Variants in TLR7 observed in about 807,000 individuals in gnomAD.
TLR7 encodes toll like receptor 7.
Under a neutral mutation model 38.3 loss-of-function variants are expected in TLR7, and 12 were observed. That is an observed-to-expected ratio of 0.31 (90% CI 0.20 to 0.51). The LOEUF is 0.51. Ranked by LOEUF, TLR7 falls within the 20% of genes least tolerant of loss-of-function variation. The pLI, the probability that TLR7 is intolerant of heterozygous loss-of-function variation, is 0.98. For missense variants in TLR7, 504 were observed against 743.4 expected, an observed-to-expected ratio of 0.68 and a Z score of 3.74; for synonymous variants, 285 against 293.8, an observed-to-expected ratio of 0.97 and a Z score of 0.31.
intron 2 of TLR7, among the ~76,000 whole-genome samples, chrX:12,869,631 C>A (rs954438140): frequency 9.1e-6 from 1 of 110,257 alleles, no homozygotes; most frequent in Non-Finnish European, 1.9e-5. Context: ...AAAGCTAATG[C>A]ATGCTGGGCT....
chrX:12,883,270 T>C (rs1041896668), intron 2 of TLR7, among the ~76,000 whole-genome samples: 1 of 112,425 alleles, frequency 8.9e-6, no homozygotes, highest in Non-Finnish European at 1.9e-5. Context: ...CATATTGCCA[T>C]ATATTCTGAG....
chrX:12,875,103 T>C (rs1360467455), intron 2 of TLR7, among the ~76,000 whole-genome samples: 1 of 111,693 alleles, frequency 9.0e-6, no homozygotes, highest in Non-Finnish European at 1.9e-5. Context: ...TCCAGGTGGA[T>C]AGGTTTTGCC....
chrX:12,885,616 T>C lies in TLR7; in HGVS notation c.108T>C (p.Cys36=), dbSNP rs200308543. 6.9e-5 allele frequency: 84 copies of C among 1,212,058 alleles called. No individual in the cohort carries two copies. The highest frequency in any genetic ancestry group is 9.4e-5 in the Non-Finnish European group (84 of 895,562). ...GARWFPKTLP[C]DVTLDVPKNH... ...GATGGTTTCCTAAAACTCTGCCCTGTGATGTCACTCTGGATGTTCCAAAGA... is the reference window on the plus strand; with the variant it reads ...GATGGTTTCCTAAAACTCTGCCCTGCGATGTCACTCTGGATGTTCCAAAGA... Residue 36 remains cysteine (C), a synonymous_variant, in exon 3 of 3, where the codon TGT becomes TGC. Transcript: ENST00000380659.
intron 2 of TLR7, among the ~76,000 whole-genome samples, chrX:12,873,137 G>A (rs1207966921): frequency 1.8e-5 from 2 of 111,699 alleles, no homozygotes; most frequent in Admixed American, 9.5e-5. Context: ...CTTTGCTCCA[G>A]GCTAATCCAT....
At position 12,888,748 on chromosome X, in the gene TLR7, T is replaced by C; in HGVS notation, c.*90T>C. The C allele has an allele frequency of 1.0e-6, 1 of 999,134 alleles. No homozygotes were observed. Among genetic ancestry groups the C allele is most frequent in the Non-Finnish European group, 1.3e-6 (1 of 745,230 alleles). The allele number at this position is 999,134 out of a possible 1,213,427, so 82.3% of individuals were successfully genotyped here. A position where few individuals can be genotyped will look rare whatever the true frequency, so the allele number is the denominator to read the frequency against. On this transcript the variant is annotated 3_prime_UTR_variant, in exon 3 of 3. Coordinates refer to ENST00000380659, the MANE Select transcript of TLR7 (RefSeq NM_016562.4). ...CATATATATCACACCAAAAGCGTGT[T>C]TTGAAATTCTTCAAGAAATGAGATT...
Position 12,886,370 on chromosome X carries a change from G to A in TLR7, c.862G>A (p.Ala288Thr). ...ACAGATCCCTGTAAATGCTTTTGATGCGCTGACAGAATTAAAAGTTTTACG... is the reference window on the plus strand; with the variant it reads ...ACAGATCCCTGTAAATGCTTTTGATACGCTGACAGAATTAAAAGTTTTACG... The part of the protein sequence containing the change: ...PLQIPVNAFD[A>T]LTELKVLRLH... Residue 288 changes from alanine (A) to threonine (T), a missense_variant, in exon 3 of 3, where the codon GCG (alanine) becomes ACG (threonine). Physicochemically the swap from Ala to Thr is moderately conservative, Grantham distance 58. Coordinates refer to ENST00000380659, the MANE Select transcript of TLR7 (RefSeq NM_016562.4). The A allele has an allele frequency of 4.1e-6, 5 of 1,211,678 alleles. No individual in the cohort carries two copies. Among genetic ancestry groups the A allele is most frequent in the Non-Finnish European group, 5.6e-6 (5 of 895,507 alleles).
chrX:12,889,823 G>A lies in TLR7; in HGVS notation c.*1165G>A, dbSNP rs2042925115. ...CTGCACACTTGATACAGCAACGTTA[G>A]ATGGTTTTGATGGTAAACCCTAAAG... On this transcript the variant is annotated 3_prime_UTR_variant, in exon 3 of 3. Transcript: ENST00000380659. 8.9e-6 allele frequency: 1 copy of A among 112,636 alleles called. No individual in the cohort carries two copies. Among genetic ancestry groups the A allele is most frequent in the Non-Finnish European group, 1.9e-5 (1 of 53,346 alleles). The allele number at this position is 112,636 out of a possible 1,213,427, so 9.3% of individuals were successfully genotyped here. A position where few individuals can be genotyped will look rare whatever the true frequency, so the allele number is the denominator to read the frequency against.
chrX:12,867,426 T>C, intron 1 of TLR7, 55 bp from the exon 2 acceptor site: 1 of 474,103 alleles, frequency 2.1e-6, no homozygotes, highest in Non-Finnish European at 3.7e-6. Context: ...GTCTTTAAGC[T>C]ACAGTATTGT....
chrX:12,887,295 A>G lies in TLR7; in HGVS notation c.1787A>G (p.Lys596Arg). The G allele has an allele frequency of 8.3e-7, 1 of 1,211,742 alleles. No homozygotes were observed. The change falls in exon 3 of 3, where the codon AAG (lysine) becomes AGG (arginine). Residue 596 changes from lysine (K) to arginine (R), a missense_variant. Coordinates refer to ENST00000380659, the MANE Select transcript of TLR7 (RefSeq NM_016562.4). ...ATGCTAAACTTTACCAAGAACCTAA[A>G]GGTTCTGCAGAAACTGATGATGAAC... ...THMLNFTKNL[K>R]VLQKLMMNDN...
At chrX:12,873,202 T>A (rs1283600496) in intron 2 of TLR7, among the ~76,000 whole-genome samples, 1 of 112,213 alleles carries the variant, frequency 8.9e-6, no homozygotes, top group Non-Finnish European at 1.9e-5. Context: ...TGTCCTTTCC[T>A]TGAGGTCTTT....
Position 12,889,094 on chromosome X carries a change from A to C in TLR7, c.*436A>C, listed in dbSNP as rs927625228. 8.7e-6 allele frequency: 1 copy of C among 114,486 alleles called. No homozygotes were observed. Among genetic ancestry groups the C allele is most frequent in the African/African-American group, 3.2e-5 (1 of 30,861 alleles). The allele number at this position is 114,486 out of a possible 1,213,427, so 9.4% of individuals were successfully genotyped here. ...GACCAAAATGTACTAGAGTTAGTTT[A>C]GTGAAATAAAAAACCAGTCAGCTGG... On this transcript the variant is annotated 3_prime_UTR_variant, in exon 3 of 3. Transcript: ENST00000380659.
intron 2 of TLR7, among the ~76,000 whole-genome samples, chrX:12,875,249 T>C (rs1360444051): frequency 8.9e-6 from 1 of 111,873 alleles, no homozygotes; most frequent in Non-Finnish European, 1.9e-5. Flanking sequence ...GAGAGAGAGT[T>C]CTGTGCTCAA....
At chrX:12,874,962 G>GT (rs11397372) in intron 2 of TLR7, among the ~76,000 whole-genome samples, 20,307 of 101,709 alleles carry the variant, frequency 0.2, 1,534 homozygotes, top group Admixed American at 0.22. Context: ...CTTGGTAAAT[G>GT]TTTTTTTTTT....
At chrX:12,874,992 C>A (rs1403589400) in intron 2 of TLR7, among the ~76,000 whole-genome samples, 5 of 108,278 alleles carry the variant, frequency 4.6e-5, no homozygotes, top group Non-Finnish European at 7.7e-5. Context: ...GTAATTCGAT[C>A]TCTACAACTG....
chrX:12,870,801 G>C (rs781703202), intron 2 of TLR7, among the ~76,000 whole-genome samples: 47 of 110,009 alleles, frequency 4.3e-4, no homozygotes, highest in Non-Finnish European at 7.5e-4. Flanking sequence ...TTGTTGATAA[G>C]TGCTTTTGCA....
At chrX:12,872,974 C>T (rs184167451) in intron 2 of TLR7, among the ~76,000 whole-genome samples, 13 of 111,039 alleles carry the variant, frequency 1.2e-4, no homozygotes, top group African/African-American at 3.6e-4. Flanking sequence ...AGAGCAGAGA[C>T]CGCCATCCAT....
rs754381606 is a variant in TLR7, at chrX:12,886,926, G to A, written c.1418G>A (p.Arg473Lys). ...TATTTCAGATATGATAAGTATGCAA[G>A]GAGTTGCAGATTCAAAAACAAAGAG... ...LHYFRYDKYA[R>K]SCRFKNKEAS... The change falls in exon 3 of 3, where the codon AGG becomes AAG. Residue 473 changes from arginine to lysine, a missense_variant. Transcript: ENST00000380659. 1 of 1,209,588 alleles carries A rather than the reference G, an allele frequency of 8.3e-7. No homozygotes were observed. Among genetic ancestry groups the A allele is most frequent in the South Asian group, 1.8e-5 (1 of 56,445 alleles).
Position 12,888,580 on chromosome X carries a change from C to T in TLR7, c.3072C>T (p.Tyr1024=). The part of the protein sequence containing the change: ...EWPTNPQAHP[Y]FWQCLKNALA... ...CAACAAACCCGCAAGCTCACCCATA[C>T]TTCTGGCAGTGTCTAAAGAACGCCC... is the stretch of plus-strand genomic sequence containing the variant. Residue 1024 remains tyrosine, a synonymous_variant, in exon 3 of 3, where the codon TAC becomes TAT. Transcript: ENST00000380659. 3 of 1,211,696 alleles carry T rather than the reference C, an allele frequency of 2.5e-6. No homozygotes were observed. Among genetic ancestry groups the T allele is most frequent in the Non-Finnish European group, 3.4e-6 (3 of 895,421 alleles).
chrX:12,885,447 G>C, intron 2 of TLR7, 65 bp from the exon 3 acceptor site: 1 of 1,021,685 alleles, frequency 9.8e-7, no homozygotes, highest in Non-Finnish European at 1.3e-6. Flanking sequence ...GCAGCAAATG[G>C]GAATTTTTAA....
Sources: allele counts gnomAD v4.1 joint callset (sites outside exome capture counted in the v4.1 genomes callset), GRCh38; gene constraint gnomAD v4.1.1; transcripts MANE v1.5; gene names NCBI Gene and HGNC (gene_info 2026-07-23, HGNC 2026-07-21).